XXYLT1: variants seen among roughly 807,000 people sequenced by gnomAD.
XXYLT1 encodes xyloside xylosyltransferase 1, also known as UDP-xylose:alpha-xyloside alpha-1,3-xylosyltransferase.
In XXYLT1, 20 loss-of-function variants were observed where a neutral mutation model predicts 28.9. The observed-to-expected ratio is 0.69, with a 90% CI of 0.49 to 1.00. The LOEUF (loss-of-function observed/expected upper bound fraction) is 1.00, where lower values mean the gene tolerates loss of function less well. Ranked by LOEUF, XXYLT1 falls within the 50% of genes least tolerant of loss-of-function variation. The pLI, the probability that XXYLT1 is intolerant of heterozygous loss-of-function variation, is 0.00. For missense variants in XXYLT1, 542 were observed against 560.1 expected (o/e 0.97, Z 0.33); for synonymous variants, 257 against 253.8 (o/e 1.01, Z -0.12).
rs961694187 is a variant in XXYLT1 at position 195,195,168 on chromosome 3, T to A, written c.652+31541A>T. On this transcript the variant is annotated intron_variant, in intron 2 of 3. Coordinates refer to ENST00000310380, the MANE Select transcript of XXYLT1 (RefSeq NM_152531.5). The surrounding 1 kb of genome is among the most constrained non-coding windows in gnomAD (Gnocchi z 4.4). Reference sequence around the variant, plus strand: ...TACAATGGTTGTTGACGTTAAATGCTATGGAGGGCCACTGAGAACCCTCCA... The same window carrying A: ...TACAATGGTTGTTGACGTTAAATGCAATGGAGGGCCACTGAGAACCCTCCA... 6.6e-6 allele frequency among the ~76,000 whole-genome samples: 1 copy of A among 152,190 alleles called. No homozygotes were observed. The highest frequency in any genetic ancestry group is 1.5e-5 in the Non-Finnish European group (1 of 68,028).
chr3:195,139,400 C>T (rs1451961461), intron 3 of XXYLT1, among the ~76,000 whole-genome samples: 1 of 152,174 alleles, frequency 6.6e-6, no homozygotes, highest in Non-Finnish European at 1.5e-5. Context: ...TCAGAATAGG[C>T]AGCAGGAAGG....
At chr3:195,155,905 A>C (rs990430878) in intron 3 of XXYLT1, among the ~76,000 whole-genome samples, 2 of 152,248 alleles carry the variant, frequency 1.3e-5, no homozygotes, top group East Asian at 3.8e-4. Context: ...GCTACAGTGA[A>C]TATTCCAGAA....
At chr3:195,086,420 T>G (rs1715732333) in intron 3 of XXYLT1, among the ~76,000 whole-genome samples, 1 of 152,216 alleles carries the variant, frequency 6.6e-6, no homozygotes, top group South Asian at 2.1e-4. Context: ...CAGAGGCTGT[T>G]TCCCTGTCTC....
Position 195,184,316 on chromosome 3 carries a change from G to A in XXYLT1, c.653-27735C>T, listed in dbSNP as rs186415483. Among the ~76,000 whole-genome samples the A allele has an allele frequency of 2.1e-3, 315 of 152,346 alleles. 1 individual carries two copies. Among genetic ancestry groups the A allele is most frequent in the Non-Finnish European group, 3.6e-3 (243 of 68,032 alleles). ...CACATAACTTTCCAAAATGCTAAAT[G>A]TGACTGGCTTTTAGCCCAATATGTG... is the stretch of plus-strand genomic sequence containing the variant. On this transcript the variant is annotated intron_variant, in intron 2 of 3. Transcript: ENST00000310380.
chr3:195,208,347 G>T (rs367779666), intron 2 of XXYLT1, among the ~76,000 whole-genome samples: 1 of 152,092 alleles, frequency 6.6e-6, no homozygotes, highest in Non-Finnish European at 1.5e-5. Flanking sequence ...ATCCAGTCTC[G>T]GTGTCAGCTC....
At chr3:195,199,372 G>A (rs1722756806) in intron 2 of XXYLT1, among the ~76,000 whole-genome samples, 1 of 152,136 alleles carries the variant, frequency 6.6e-6, no homozygotes, top group South Asian at 2.1e-4. Flanking sequence ...AGCACTTTGG[G>A]AGAGTGAGGC....
intron 1 of XXYLT1, among the ~76,000 whole-genome samples, chr3:195,251,632 C>CT (rs1725259385): frequency 6.6e-6 from 1 of 152,206 alleles, no homozygotes; most frequent in Non-Finnish European, 1.5e-5. Context: ...GCCAGGAAGT[C>CT]TGAGGTGGCA....
intron 1 of XXYLT1, among the ~76,000 whole-genome samples, chr3:195,264,955 G>A (rs1725796618): frequency 6.6e-6 from 1 of 152,082 alleles, no homozygotes; most frequent in South Asian, 2.1e-4. Flanking sequence ...TACTGAGGAG[G>A]CTAAGGCAGG....
rs369272153 is a variant in XXYLT1 at position 195,106,456 on chromosome 3, C to G, written c.786-36345G>C. Among the ~76,000 whole-genome samples, 6 of 152,270 alleles carry G rather than the reference C, an allele frequency of 3.9e-5. No individual in the cohort carries two copies. In the East Asian group the frequency reaches 9.6e-4, roughly 24 times the overall value. On this transcript the variant is annotated intron_variant, in intron 3 of 3. Coordinates refer to ENST00000310380, the MANE Select transcript of XXYLT1 (RefSeq NM_152531.5). Reference sequence around the variant, plus strand: ...ACACCCTCTCTCACTGGACTTGCCCCTTCCCTTCTCCCGGGCCTCACGGCG... The same window carrying G: ...ACACCCTCTCTCACTGGACTTGCCCGTTCCCTTCTCCCGGGCCTCACGGCG...
intron 2 of XXYLT1, among the ~76,000 whole-genome samples, chr3:195,172,329 A>G (rs1033402119): frequency 2.0e-5 from 3 of 152,182 alleles, no homozygotes; most frequent in Admixed American, 6.5e-5. Flanking sequence ...GCTCAGGAGG[A>G]AAAACACTGC....
chr3:195,077,936 C>T lies in XXYLT1; in HGVS notation c.786-7825G>A, dbSNP rs988558504. 6.6e-6 allele frequency among the ~76,000 whole-genome samples: 1 copy of T among 152,186 alleles called. No homozygotes were observed. The highest frequency in any genetic ancestry group is 2.4e-5 in the African/African-American group (1 of 41,458). ...TCCCCCAGCATCTGCAGCCCTGGAG[C>T]TGTAAAAACAGATGGGCAGGGACTG... On this transcript the variant is annotated intron_variant, in intron 3 of 3. Transcript: ENST00000310380. This position sits in a 1 kb window ranked among gnomAD's most constrained non-coding sequence, Gnocchi z 4.8.
At chr3:195,263,401 G>A (rs983313094) in intron 1 of XXYLT1, among the ~76,000 whole-genome samples, 3 of 152,206 alleles carry the variant, frequency 2.0e-5, no homozygotes, top group African/African-American at 7.2e-5. Context: ...GCTTTTATGA[G>A]CTGATGAAGT....
intron 1 of XXYLT1, among the ~76,000 whole-genome samples, chr3:195,260,514 C>T (rs994426088): frequency 1.3e-5 from 2 of 152,238 alleles, no homozygotes; most frequent in Admixed American, 6.5e-5. Context: ...TTCTGCCTCC[C>T]GGAGGTCGGA....
chr3:195,189,883 G>C (rs150543890), intron 2 of XXYLT1, among the ~76,000 whole-genome samples: 2 of 152,236 alleles, frequency 1.3e-5, no homozygotes, highest in African/African-American at 4.8e-5. Context: ...TAAATACAAA[G>C]AGTTCTATAC....
At chr3:195,111,419 G>C (rs963872041) in intron 3 of XXYLT1, among the ~76,000 whole-genome samples, 2 of 152,124 alleles carry the variant, frequency 1.3e-5, no homozygotes, top group Non-Finnish European at 2.9e-5. Context: ...AGCAGAGAGG[G>C]GAGATGGGGA....
chr3:195,183,481 C>T (rs1373358884), intron 2 of XXYLT1: 1 of 152,168 alleles, frequency 6.6e-6, no homozygotes, highest in African/African-American at 2.4e-5. Flanking sequence ...ATTACCCAGT[C>T]TCGGGTATTT....
At chr3:195,109,684 AGTGTGTGTGGTGTCTG>A (rs1717378090) in intron 3 of XXYLT1, among the ~76,000 whole-genome samples, 1 of 22,858 alleles carries the variant, frequency 4.4e-5, no homozygotes, top group Non-Finnish European at 9.4e-5. Flanking sequence ...GTGTTGTATG[AGTGTGTGTGGTGTCTG>A]GTGTGTGTGG....
intron 2 of XXYLT1, among the ~76,000 whole-genome samples, chr3:195,186,083 T>C (rs1309339330): frequency 6.6e-6 from 1 of 152,174 alleles, no homozygotes; most frequent in Non-Finnish European, 1.5e-5. Context: ...AGCTGCCTTC[T>C]GCTACATGAT....
intron 3 of XXYLT1, among the ~76,000 whole-genome samples, chr3:195,114,949 A>C (rs1717967798): frequency 6.6e-6 from 1 of 151,852 alleles, no homozygotes; most frequent in African/African-American, 2.4e-5. Flanking sequence ...GGGCGCAGTC[A>C]CTCCTGGGTG....
Sources: allele counts gnomAD v4.1 joint callset (sites outside exome capture counted in the v4.1 genomes callset), GRCh38; gene constraint gnomAD v4.1.1; non-coding constraint Gnocchi (gnomAD v3.1); transcripts MANE v1.5; gene names NCBI Gene and HGNC (gene_info 2026-07-23, HGNC 2026-07-21).